The following KCNQ3 variants were observed in gnomAD, a reference collection of about 807,000 sequenced individuals.
KCNQ3 encodes the protein potassium voltage-gated channel subfamily KQT member 3.
A neutral mutation model predicts 92.5 loss-of-function variants in KCNQ3; 30 were observed. That is an observed-to-expected ratio of 0.32 (90% confidence interval 0.24 to 0.44). The LOEUF is 0.44. Among genes scored for constraint, KCNQ3 ranks in the 20% least tolerant of loss-of-function variants. KCNQ3 has a pLI of 1.00. For missense variants in KCNQ3, 913 were observed against 1,140.3 expected (o/e 0.80, Z 2.87); for synonymous variants, 450 against 468.8 (o/e 0.96, Z 0.52).
At chr8:132,452,116 C>T (rs1482183740) in intron 1 of KCNQ3, among the ~76,000 whole-genome samples, 3 of 152,168 alleles carry the variant, frequency 2.0e-5, no homozygotes, top group South Asian at 2.1e-4. Context: ...TCATTTTAAC[C>T]ATTTTTAAGT....
chr8:132,200,266 G>T (rs1171671037), intron 1 of KCNQ3, among the ~76,000 whole-genome samples: 1 of 152,094 alleles, frequency 6.6e-6, no homozygotes, highest in African/African-American at 2.4e-5. Context: ...GCAAACTATG[G>T]CATTCTGCTC....
At chr8:132,304,794 G>A (rs144741310) in intron 1 of KCNQ3, among the ~76,000 whole-genome samples, 1 of 152,018 alleles carries the variant, frequency 6.6e-6, no homozygotes, top group African/African-American at 2.4e-5. Context: ...ATGTTTAATA[G>A]CATAATTATA....
intron 1 of KCNQ3, among the ~76,000 whole-genome samples, chr8:132,297,351 C>T (rs7818086): frequency 0.43 from 64,697 of 150,618 alleles, 15,665 homozygotes; most frequent in East Asian, 0.68. Flanking sequence ...TGCCTGTTCA[C>T]TCTGATGGTA....
At chr8:132,234,762 C>T (rs1334194542) in intron 1 of KCNQ3, among the ~76,000 whole-genome samples, 2 of 152,106 alleles carry the variant, frequency 1.3e-5, no homozygotes, top group South Asian at 2.1e-4. Flanking sequence ...GTTGTCCAGC[C>T]CCATAGCTTG....
chr8:132,448,502 G>GAAAA, intron 1 of KCNQ3, among the ~76,000 whole-genome samples: 11 of 93,840 alleles, frequency 1.2e-4, no homozygotes, highest in Non-Finnish European at 1.4e-4. Flanking sequence ...GGAGAAATAT[G>GAAAA]AAAAAAAAAA....
chr8:132,213,571 G>C (rs1813932425), intron 1 of KCNQ3, among the ~76,000 whole-genome samples: 1 of 152,216 alleles, frequency 6.6e-6, no homozygotes, highest in Admixed American at 6.5e-5. Flanking sequence ...CTACTGCAGA[G>C]TGCATGTCAC....
intron 1 of KCNQ3, among the ~76,000 whole-genome samples, chr8:132,363,467 A>T (rs1432720781): frequency 6.6e-6 from 1 of 152,086 alleles, no homozygotes; most frequent in Non-Finnish European, 1.5e-5. Context: ...GGAAGGGGAG[A>T]GGGTGTCAAA....
At chr8:132,459,756 C>G (rs1441416599) in intron 1 of KCNQ3, among the ~76,000 whole-genome samples, 1 of 145,112 alleles carries the variant, frequency 6.9e-6, no homozygotes, top group Non-Finnish European at 1.5e-5. Context: ...TTTTTTAATT[C>G]CCTTTTCATA....
intron 1 of KCNQ3, among the ~76,000 whole-genome samples, chr8:132,320,066 T>C (rs1253971109): frequency 6.6e-6 from 1 of 152,258 alleles, no homozygotes; most frequent in African/African-American, 2.4e-5. Flanking sequence ...ATAGATTTTA[T>C]TTCCAATAAA....
intron 1 of KCNQ3, among the ~76,000 whole-genome samples, chr8:132,207,277 G>A (rs1378541456): frequency 1.3e-5 from 2 of 152,194 alleles, no homozygotes; most frequent in Non-Finnish European, 2.9e-5. Flanking sequence ...GGTAAGGTAT[G>A]AGGACCTATT....
At chr8:132,195,450 G>A (rs1827274999) in intron 1 of KCNQ3, among the ~76,000 whole-genome samples, 1 of 152,220 alleles carries the variant, frequency 6.6e-6, no homozygotes. Flanking sequence ...CCCTTAGGGG[G>A]CCTTCAGTGC....
At chr8:132,223,546 C>G (rs1364563806) in intron 1 of KCNQ3, among the ~76,000 whole-genome samples, 1 of 152,116 alleles carries the variant, frequency 6.6e-6, no homozygotes, top group Non-Finnish European at 1.5e-5. Flanking sequence ...GTTCATGGAT[C>G]CTAAAATATG....
intron 1 of KCNQ3, among the ~76,000 whole-genome samples, chr8:132,457,611 A>G (rs1210843017): frequency 6.6e-6 from 1 of 152,126 alleles, no homozygotes; most frequent in Non-Finnish European, 1.5e-5. Flanking sequence ...CCACGCCTGG[A>G]TCAAAGGCTG....
chr8:132,301,866 C>T (rs1482013181), intron 1 of KCNQ3, among the ~76,000 whole-genome samples: 3 of 152,134 alleles, frequency 2.0e-5, no homozygotes, highest in South Asian at 4.2e-4. Flanking sequence ...TTTTGTAGTC[C>T]TGGAGCTCAA....
chr8:132,259,333 A>C (rs1053561227), intron 1 of KCNQ3, among the ~76,000 whole-genome samples: 5 of 152,166 alleles, frequency 3.3e-5, no homozygotes, highest in African/African-American at 1.2e-4. Flanking sequence ...CCGGTAATGC[A>C]AAGTTGATTC....
rs1227324212 is a variant in KCNQ3 at position 132,262,639 on chromosome 8, T to TTG, written c.387-76459_387-76458insCA. Reference sequence around the variant, plus strand: ...GGGTGGAATTTCTTACAGCAGTTTTTTTTTTTTTTTTACCATGATATACTC... The same window carrying TTG: ...GGGTGGAATTTCTTACAGCAGTTTTTTGTTTTTTTTTTTACCATGATATACTC... On this transcript the variant is annotated intron_variant, in intron 1 of 14. Coordinates refer to ENST00000388996, the MANE Select transcript of KCNQ3 (RefSeq NM_004519.4). 2.7e-5 allele frequency among the ~76,000 whole-genome samples: 4 copies of TTG among 150,862 alleles called. No homozygotes were observed. In the East Asian group the frequency reaches 7.8e-4, roughly 30 times the overall value.
intron 1 of KCNQ3, among the ~76,000 whole-genome samples, chr8:132,354,656 C>G (rs1332134824): frequency 1.3e-5 from 2 of 152,208 alleles, no homozygotes; most frequent in Non-Finnish European, 2.9e-5. Flanking sequence ...TGAGCCAATG[C>G]TACTTCTGAT....
chr8:132,248,334 G>GTATATATATATA (rs5895135), intron 1 of KCNQ3, among the ~76,000 whole-genome samples: 131 of 144,178 alleles, frequency 9.1e-4, no homozygotes, highest in African/African-American at 3.0e-3. Context: ...TAGTCTATAA[G>GTATATATATATA]TATATATATA....
At chr8:132,182,272 T>G (rs945706788) in intron 3 of KCNQ3, among the ~76,000 whole-genome samples, 1 of 152,170 alleles carries the variant, frequency 6.6e-6, no homozygotes, top group African/African-American at 2.4e-5. Flanking sequence ...AGATGTGTAG[T>G]AAACACTATG....
Sources: allele counts gnomAD v4.1 joint callset (sites outside exome capture counted in the v4.1 genomes callset), GRCh38; gene constraint gnomAD v4.1.1; transcripts MANE v1.5; gene names NCBI Gene and HGNC (gene_info 2026-07-23, HGNC 2026-07-21).